Variants in KCNT1 observed in about 807,000 individuals in gnomAD.
KCNT1 encodes potassium sodium-activated channel subfamily T member 1, also known as potassium channel subfamily T member 1.
In KCNT1, 78 loss-of-function variants were observed where a neutral mutation model predicts 147.8. The observed-to-expected ratio is 0.53, with a 90% confidence interval of 0.44 to 0.64. The LOEUF is 0.64. Ranked by LOEUF, KCNT1 falls within the 30% of genes least tolerant of loss-of-function variation. The pLI is 0.00. For synonymous variants in KCNT1, 867 were observed against 748.8 expected (o/e 1.16, Z -2.58); for missense variants, 1,419 against 1,750.3 (o/e 0.81, Z 3.38).
intron 11 of KCNT1, among the ~76,000 whole-genome samples, chr9:135,761,445 T>TG (rs891483252): frequency 8.5e-5 from 13 of 152,132 alleles, no homozygotes; most frequent in Non-Finnish European, 1.5e-4. Context: ...GAGCACAGTG[T>TG]GGGGGGCACT....
intron 2 of KCNT1, among the ~76,000 whole-genome samples, chr9:135,734,994 C>G (rs1208793540): frequency 6.6e-6 from 1 of 152,224 alleles, no homozygotes; most frequent in Non-Finnish European, 1.5e-5. Context: ...GCAGCACGCC[C>G]AGGAGAAGAG....
intron 19 of KCNT1, 132 bp downstream of exon 19, chr9:135,773,081 C>T (rs1029805392): frequency 1.4e-5 from 8 of 583,276 alleles, no homozygotes; most frequent in Non-Finnish European, 1.9e-5. Flanking sequence ...CGTGGAAGTC[C>T]TTGTTTGACA....
intron 1 of KCNT1, among the ~76,000 whole-genome samples, chr9:135,711,261 T>C (rs1835473932): frequency 6.6e-6 from 1 of 152,140 alleles, no homozygotes; most frequent in South Asian, 2.1e-4. Context: ...TTTAAGCACT[T>C]TGTCAGACAG....
Position 135,792,273 on chromosome 9 carries a change from C to G in KCNT1, c.*112C>G, listed in dbSNP as rs1412607064. On this transcript the variant is annotated 3_prime_UTR_variant, in exon 31 of 31. Coordinates refer to ENST00000371757, the MANE Select transcript of KCNT1 (RefSeq NM_020822.3). ...GTGACCCTGGGGATGGCACACTCTA[C>G]TCACCATGGCTCCTGGGACTCCACC... The G allele has an allele frequency of 3.0e-6, 4 of 1,318,344 alleles. No homozygotes were observed. Among genetic ancestry groups the G allele is most frequent in the Non-Finnish European group, 4.1e-6 (4 of 984,342 alleles). The allele number at this position is 1,318,344 out of a possible 1,614,324, so 81.7% of individuals were successfully genotyped here.
intron 19 of KCNT1, among the ~76,000 whole-genome samples, chr9:135,774,034 G>GGT (rs141610016): frequency 0.14 from 21,173 of 151,600 alleles, 1,626 homozygotes; most frequent in Non-Finnish European, 0.19. Context: ...GGGTGTGTCC[G>GGT]GTGTGTGTGT....
rs1169221161 is a variant in KCNT1 at position 135,740,484 on chromosome 9, C to T, written c.255-9614C>T. On this transcript the variant is annotated intron_variant, in intron 2 of 30. Coordinates refer to ENST00000371757, the MANE Select transcript of KCNT1 (RefSeq NM_020822.3). The stretch of plus-strand genomic sequence containing the variant: ...CCCAGAGGGTCCCTCCCTCTCGAGG[C>T]TGGCAGCTGAGACTGCTCCTTATGG... Among the ~76,000 whole-genome samples, 3 of 152,254 alleles carry T rather than the reference C, an allele frequency of 2.0e-5. No homozygotes were observed. The East Asian group carries it at 5.8e-4, about 29-fold the overall frequency.
chr9:135,792,148 A>G lies in KCNT1; in HGVS notation c.3695A>G (p.Glu1232Gly). The part of the protein sequence containing the change: ...LSSCNPETRD[E>G]TQL ...TCCTGCAACCCCGAGACTCGCGACG[A>G]GACACAGCTCTGAGCCAGCCCTGCA... Residue 1232 changes from glutamate to glycine, a missense_variant, in exon 31 of 31, where the codon GAG becomes GGG. Around this residue, in one of 5 missense-constraint regions of KCNT1, gnomAD observed 306 missense variants for 294.2 expected, o/e 1.04. Transcript: ENST00000371757. 1 of 1,605,680 alleles carries G rather than the reference A, an allele frequency of 6.2e-7. No individual in the cohort carries two copies. The highest frequency in any genetic ancestry group is 8.5e-7 in the Non-Finnish European group (1 of 1,179,610).
At chr9:135,778,539 C>A (rs1365016225) in intron 22 of KCNT1, 44 bp downstream of exon 22, 31 of 1,601,732 alleles carry the variant, frequency 1.9e-5, no homozygotes, top group Non-Finnish European at 2.6e-5. Context: ...CCACACCCAC[C>A]CCTCCCCTCC....
intron 17 of KCNT1, 80 bp downstream of exon 17, chr9:135,770,527 C>T (rs1050175829): frequency 3.3e-6 from 5 of 1,514,244 alleles, no homozygotes; most frequent in Non-Finnish European, 4.4e-6. Flanking sequence ...CGGTCAGGCA[C>T]AGGGGTGGCC....
chr9:135,792,327 G>A lies in KCNT1; in HGVS notation c.*166G>A, dbSNP rs1834602628. 2 of 872,838 alleles carry A rather than the reference G, an allele frequency of 2.3e-6. No individual in the cohort carries two copies. Among genetic ancestry groups the A allele is most frequent in the Non-Finnish European group, 3.4e-6 (2 of 592,496 alleles). 54.1% of individuals were successfully genotyped at this position (872,838 alleles called of 1,614,324 possible). ...GAAAGGAGCCCCTCATGCGGGGGGAGGGCCAGCTCACCCCTGGGCACCTGC... is the reference window on the plus strand; with the variant it reads ...GAAAGGAGCCCCTCATGCGGGGGGAAGGCCAGCTCACCCCTGGGCACCTGC... On this transcript the variant is annotated 3_prime_UTR_variant, in exon 31 of 31. Coordinates refer to ENST00000371757, the MANE Select transcript of KCNT1 (RefSeq NM_020822.3).
At chr9:135,785,469 G>A in intron 28 of KCNT1, 139 bp downstream of exon 28, 1 of 1,047,000 alleles carries the variant, frequency 9.6e-7, no homozygotes, top group East Asian at 2.7e-5. Flanking sequence ...GGGTCCCACG[G>A]ATGTGTCGGC....
At chr9:135,765,933 G>A (rs573805083) in intron 13 of KCNT1, among the ~76,000 whole-genome samples, 173 bp downstream of exon 13, 52 of 152,162 alleles carry the variant, frequency 3.4e-4, no homozygotes, top group African/African-American at 1.3e-3. Context: ...GATCGTCCGG[G>A]GTGGACCATT....
At chr9:135,781,656 T>G (rs78555199) in intron 24 of KCNT1, among the ~76,000 whole-genome samples, 3 of 148,938 alleles carry the variant, frequency 2.0e-5, no homozygotes, top group East Asian at 2.0e-4. Context: ...AAAAAAAAAT[T>G]GAAGAAAAGT....
intron 2 of KCNT1, among the ~76,000 whole-genome samples, chr9:135,722,263 G>A (rs956148645): frequency 4.6e-5 from 7 of 152,028 alleles, no homozygotes; most frequent in African/African-American, 1.4e-4. Flanking sequence ...CGAATCCCGC[G>A]TCCCCTGGGG....
chr9:135,791,920 A>G (rs778575427), intron 30 of KCNT1, 39 bp downstream of exon 30: 1 of 1,607,566 alleles, frequency 6.2e-7, no homozygotes, highest in African/African-American at 1.3e-5. Context: ...ACCCCCCCTG[A>G]GCACCAGGTG....
chr9:135,727,325 CT>C (rs1372931617), intron 2 of KCNT1, among the ~76,000 whole-genome samples: 9 of 130,738 alleles, frequency 6.9e-5, no homozygotes, highest in East Asian at 5.1e-4. Context: ...CTCTCTCCCC[CT>C]CTCTCCCTCC....
At position 135,757,193 on chromosome 9, in the gene KCNT1, T is replaced by A; in HGVS notation, c.638T>A (p.Val213Asp). ...GAGCAGATCTTCCGCGTGTCCTTCG[T>A]CCTGGAGATGATCAACACTCTGCCC... is the stretch of plus-strand genomic sequence containing the variant. ...IWEQIFRVSF[V>D]LEMINTLPFI... Residue 213 changes from valine to aspartate, a missense_variant, in exon 8 of 31, where the codon GTC (valine) becomes GAC (aspartate). Coordinates refer to ENST00000371757, the MANE Select transcript of KCNT1 (RefSeq NM_020822.3). 6.4e-7 allele frequency: 1 copy of A among 1,572,564 alleles called. No homozygotes were observed. The highest frequency in any genetic ancestry group is 8.6e-7 in the Non-Finnish European group (1 of 1,156,892).
At chr9:135,758,135 C>T (rs1002006271) in intron 9 of KCNT1, among the ~76,000 whole-genome samples, 1 of 137,976 alleles carries the variant, frequency 7.2e-6, no homozygotes, top group Non-Finnish European at 1.6e-5. Context: ...ACAGGTGTGG[C>T]CGTGGGCTGC....
At chr9:135,790,275 CA>C (rs1315433942) in intron 29 of KCNT1, 1 of 152,290 alleles carries the variant, frequency 6.6e-6, no homozygotes, top group East Asian at 1.9e-4. Context: ...GCGGCCACCC[CA>C]GAAGCGTGTG....
Sources: gnomAD v4.1 joint callset for allele counts (sites outside exome capture counted in the v4.1 genomes callset) on GRCh38, gnomAD v4.1.1 for gene constraint, gnomAD v4.1.1 regional missense constraint, MANE v1.5 for transcripts, NCBI Gene and HGNC (gene_info 2026-07-23, HGNC 2026-07-21) for gene names.